SCAI: variants seen among roughly 807,000 people sequenced by gnomAD.
SCAI encodes protein SCAI.
A neutral mutation model predicts 92.2 loss-of-function variants in SCAI; 24 were observed. That is an observed-to-expected ratio of 0.26 (90% CI 0.19 to 0.37). SCAI has a LOEUF of 0.37. Ranked by LOEUF, SCAI falls within the 10% of genes least tolerant of loss-of-function variation. The pLI, the probability that SCAI is intolerant of heterozygous loss-of-function variation, is 1.00. For missense variants in SCAI, 450 were observed against 736.2 expected (o/e 0.61, Z 4.50); for synonymous variants, 261 against 258.6 (o/e 1.01, Z -0.09).
At chr9:125,107,407 CAA>C (rs80318027) in intron 2 of SCAI, among the ~76,000 whole-genome samples, 39 of 72,694 alleles carry the variant, frequency 5.4e-4, no homozygotes, top group Admixed American at 1.2e-3. Flanking sequence ...GACACTGTCT[CAA>C]AAAAAAAAAA....
chr9:125,014,718 C>T (rs904521795), intron 9 of SCAI, among the ~76,000 whole-genome samples: 3 of 152,214 alleles, frequency 2.0e-5, no homozygotes, highest in East Asian at 1.9e-4. Context: ...GAGCCCGCAT[C>T]GCCAAGTCAA....
At chr9:125,046,316 T>TACAC (rs201429484) in intron 3 of SCAI, among the ~76,000 whole-genome samples, 7 of 70,958 alleles carry the variant, frequency 9.9e-5, no homozygotes, top group East Asian at 1.0e-3. Context: ...CATATATATA[T>TACAC]ACACACACAC....
At chr9:124,993,539 G>A (rs962302890) in intron 14 of SCAI, among the ~76,000 whole-genome samples, 1 of 152,148 alleles carries the variant, frequency 6.6e-6, no homozygotes, top group Non-Finnish European at 1.5e-5. Context: ...GCAGTGAGCT[G>A]AGATCATGCC....
intron 3 of SCAI, among the ~76,000 whole-genome samples, chr9:125,040,260 G>C (rs374368756): frequency 5.3e-5 from 8 of 152,158 alleles, no homozygotes; most frequent in African/African-American, 1.9e-4. Context: ...GGGTGGCTGA[G>C]GTGGGAGGAT....
rs80190473 is a variant in SCAI, at chr9:124,983,973, C to T, written c.1327-7787G>A. On this transcript the variant is annotated intron_variant, in intron 14 of 17. Coordinates refer to ENST00000336505, the MANE Select transcript of SCAI (RefSeq NM_001144877.3). ...TACACATAAAATGCTTAGAACAGTG[C>T]ATATTGCTAGTCACTACAGAAAAGT... is the stretch of plus-strand genomic sequence containing the variant. Among the ~76,000 whole-genome samples, 2,477 of 152,214 alleles carry T rather than the reference C, an allele frequency of 0.016. 160 individuals are homozygous for T. In the East Asian group the frequency reaches 0.23, roughly 14 times the overall value.
intron 9 of SCAI, among the ~76,000 whole-genome samples, chr9:125,004,746 TATATATATATATATATATATATATATA>T (rs1832440823): frequency 2.1e-4 from 3 of 14,416 alleles, no homozygotes; most frequent in African/African-American, 2.6e-4. Context: ...TATATATATA[TATATATATATATATATATATATATATA>T]TATATATTTT....
At chr9:125,128,671 T>C (rs1193630168) in intron 2 of SCAI, among the ~76,000 whole-genome samples, 2 of 151,780 alleles carry the variant, frequency 1.3e-5, no homozygotes, top group Non-Finnish European at 2.9e-5. Flanking sequence ...GAGAATAGCA[T>C]GAACCCAGGA....
At position 125,046,548 on chromosome 9, in the gene SCAI, C is replaced by G. The variant is rs1384663995; in HGVS notation, c.230+9328G>C. Among the ~76,000 whole-genome samples, 6 of 150,348 alleles carry G rather than the reference C, an allele frequency of 4.0e-5. No individual in the cohort carries two copies. The East Asian group carries it at 1.2e-3, about 30-fold the overall frequency. On this transcript the variant is annotated intron_variant, in intron 3 of 17. Coordinates refer to ENST00000336505, the MANE Select transcript of SCAI (RefSeq NM_001144877.3). ...GAATGACACATGGACTTTTGGGACTCTCACGATAGGGTAGGAGGGGCGTGA... is the reference window on the plus strand; with the variant it reads ...GAATGACACATGGACTTTTGGGACTGTCACGATAGGGTAGGAGGGGCGTGA...
At chr9:124,988,878 G>A (rs1293115904) in intron 14 of SCAI, among the ~76,000 whole-genome samples, 1 of 152,184 alleles carries the variant, frequency 6.6e-6, no homozygotes, top group Admixed American at 6.5e-5. Flanking sequence ...AGTGGCTCAC[G>A]CCTGTAATCC....
At chr9:124,964,637 G>T (rs1831503988) in intron 17 of SCAI, among the ~76,000 whole-genome samples, 2 of 152,186 alleles carry the variant, frequency 1.3e-5, no homozygotes, top group Admixed American at 1.3e-4. Context: ...ATTGTGTTCT[G>T]GGGCAAGTAG....
At position 125,055,881 on chromosome 9, in the gene SCAI, C is replaced by T; in HGVS notation, c.225G>A (p.Gly75=). The T allele has an allele frequency of 6.2e-7, 1 of 1,609,382 alleles. No homozygotes were observed. Among genetic ancestry groups the T allele is most frequent in the Non-Finnish European group, 8.5e-7 (1 of 1,178,426 alleles). ...AACACCAAGAGTCCACTCACCTTAA[C>T]CCATTGAACAGTTGCTTAGATTTAT... The part of the protein sequence containing the change: ...LLDKSKQLFN[G]LRDLPQYGQK... The change falls in exon 3 of 18, where the codon GGG becomes GGA. Residue 75 remains glycine, a synonymous_variant. Transcript: ENST00000336505.
At chr9:125,053,947 C>T (rs892958457) in intron 3 of SCAI, among the ~76,000 whole-genome samples, 13 of 152,064 alleles carry the variant, frequency 8.5e-5, no homozygotes, top group Admixed American at 2.6e-4. Flanking sequence ...AAATGCCTTC[C>T]TACCTTTAAA....
intron 17 of SCAI, among the ~76,000 whole-genome samples, chr9:124,965,758 T>A (rs1197045090): frequency 1.3e-5 from 2 of 152,236 alleles, no homozygotes; most frequent in Non-Finnish European, 2.9e-5. Context: ...ATGGTACATA[T>A]CAAGCAATTC....
At chr9:125,032,190 T>G (rs1156605893) in intron 3 of SCAI, among the ~76,000 whole-genome samples, 1 of 80,736 alleles carries the variant, frequency 1.2e-5, no homozygotes, top group Non-Finnish European at 2.5e-5. Context: ...TATATATATA[T>G]ATATATTTTT....
intron 2 of SCAI, among the ~76,000 whole-genome samples, chr9:125,135,601 C>T (rs1056454459): frequency 3.9e-5 from 6 of 151,930 alleles, no homozygotes; most frequent in South Asian, 2.1e-4. Context: ...TGCTGTGAAC[C>T]GAGATAGCAT....
chr9:125,062,355 G>A (rs1270789418), intron 2 of SCAI, among the ~76,000 whole-genome samples: 2 of 151,140 alleles, frequency 1.3e-5, no homozygotes, highest in African/African-American at 2.4e-5. Flanking sequence ...CAAACTCATG[G>A]ACTCAAGTAA....
chr9:124,989,531 A>G (rs930094024), intron 14 of SCAI, among the ~76,000 whole-genome samples: 6 of 152,228 alleles, frequency 3.9e-5, no homozygotes, highest in African/African-American at 1.4e-4. Flanking sequence ...CAGTGAGCCG[A>G]TATCACATCA....
intron 14 of SCAI, among the ~76,000 whole-genome samples, chr9:124,993,845 C>A (rs1022674871): frequency 6.6e-6 from 1 of 152,070 alleles, no homozygotes; most frequent in Non-Finnish European, 1.5e-5. Context: ...CCTCTAACTG[C>A]AGTATGAACA....
intron 2 of SCAI, among the ~76,000 whole-genome samples, chr9:125,084,617 G>A (rs1834289973): frequency 6.6e-6 from 1 of 152,070 alleles, no homozygotes; most frequent in Non-Finnish European, 1.5e-5. Flanking sequence ...CCCCTAGAGG[G>A]GCGGCCTTTT....
Sources: allele counts gnomAD v4.1 joint callset (sites outside exome capture counted in the v4.1 genomes callset), GRCh38; gene constraint gnomAD v4.1.1; transcripts MANE v1.5; gene names NCBI Gene and HGNC (gene_info 2026-07-23, HGNC 2026-07-21).